CD226: variants seen among roughly 807,000 people sequenced by gnomAD.
CD226 encodes the protein CD226 antigen.
In CD226, 24 loss-of-function variants were observed where a neutral mutation model predicts 34.9. The observed-to-expected ratio is 0.69, with a 90% CI of 0.50 to 0.97. The LOEUF (loss-of-function observed/expected upper bound fraction) is 0.97, where lower values mean the gene tolerates loss of function less well. Among genes scored for constraint, CD226 ranks in the 50% least tolerant of loss-of-function variants. The pLI is 0.00. For missense variants in CD226, 397 were observed against 412.7 expected (o/e 0.96, Z 0.33); for synonymous variants, 148 against 147.4 (o/e 1.00, Z -0.03).
chr18:69,875,392 C>T (rs1983802735), intron 3 of CD226, among the ~76,000 whole-genome samples: 1 of 152,198 alleles, frequency 6.6e-6, no homozygotes, highest in Non-Finnish European at 1.5e-5. Flanking sequence ...TCTGCCTTGG[C>T]CTCCCAAAGT....
chr18:69,856,569 C>G lies in CD226; in HGVS notation c.*7745G>C, dbSNP rs1982615982. On this transcript the variant is annotated 3_prime_UTR_variant, in exon 6 of 6. Transcript: ENST00000582621. ...CCATATTCTGGGCCATAAAATACAC[C>G]TGAAAAATTTAAAAGAATAGAAATT... The G allele has an allele frequency of 6.6e-6, 1 of 151,900 alleles. No homozygotes were observed. Among genetic ancestry groups the G allele is most frequent in the African/African-American group, 2.4e-5 (1 of 41,338 alleles). 9.4% of individuals were successfully genotyped at this position (151,900 alleles called of 1,614,324 possible).
In CD226 at chr18:69,862,448, C is replaced by A. The variant is rs1279718962; in HGVS notation, c.*1866G>T. ...TAGTAGAGTGCTTTCTTGTAAACTG[C>A]CTTTCAAGTTTGTTACACTAATATA... On this transcript the variant is annotated 3_prime_UTR_variant, in exon 6 of 6. Transcript: ENST00000582621. 6.6e-6 allele frequency: 1 copy of A among 152,084 alleles called. No homozygotes were observed. Among genetic ancestry groups the A allele is most frequent in the Non-Finnish European group, 1.5e-5 (1 of 67,986 alleles). 9.4% of individuals were successfully genotyped at this position (152,084 alleles called of 1,614,324 possible).
intron 3 of CD226, among the ~76,000 whole-genome samples, chr18:69,888,395 C>A (rs1435439252): frequency 6.7e-6 from 1 of 149,684 alleles, no homozygotes; most frequent in Non-Finnish European, 1.5e-5. Flanking sequence ...TAGCCATGCA[C>A]TGACTATTTT....
chr18:69,936,292 A>G (rs1182476467), intron 2 of CD226, among the ~76,000 whole-genome samples: 1 of 152,128 alleles, frequency 6.6e-6, no homozygotes, highest in Non-Finnish European at 1.5e-5. Flanking sequence ...TCCCACAGTG[A>G]CATGTGTTCT....
At chr18:69,889,784 A>G (rs1984778756) in intron 3 of CD226, among the ~76,000 whole-genome samples, 1 of 152,118 alleles carries the variant, frequency 6.6e-6, no homozygotes, top group Non-Finnish European at 1.5e-5. Flanking sequence ...CTCCTTGTCA[A>G]TCCTATACCT....
intron 2 of CD226, among the ~76,000 whole-genome samples, chr18:69,904,125 G>C (rs2055221486): frequency 6.6e-6 from 1 of 152,194 alleles, no homozygotes; most frequent in South Asian, 2.1e-4. Context: ...CACAGATAAA[G>C]TGGGAAGAGT....
upstream of CD226, among the ~76,000 whole-genome samples, chr18:69,950,714 CAG>C (rs1190167115): frequency 2.6e-5 from 4 of 152,044 alleles, no homozygotes; most frequent in Admixed American, 2.0e-4. Flanking sequence ...GAGATGGAAA[CAG>C]AAAGATGTAG....
At chr18:69,946,332 T>G (rs2055792107) in intron 2 of CD226, among the ~76,000 whole-genome samples, 1 of 151,772 alleles carries the variant, frequency 6.6e-6, no homozygotes, top group African/African-American at 2.4e-5. Flanking sequence ...AGGAAGAACC[T>G]TGAACACACA....
chr18:69,935,296 T>A (rs540080374), intron 2 of CD226, among the ~76,000 whole-genome samples: 24 of 152,338 alleles, frequency 1.6e-4, no homozygotes, highest in African/African-American at 5.8e-4. Flanking sequence ...CTATAAGGCC[T>A]TTTTGAAGGT....
At chr18:69,886,709 AAAAAAAT>A (rs1294754195) in intron 3 of CD226, among the ~76,000 whole-genome samples, 1 of 152,066 alleles carries the variant, frequency 6.6e-6, no homozygotes, top group African/African-American at 2.4e-5. Flanking sequence ...CTGTCTCAAA[AAAAAAAT>A]AAAAATAAAA....
rs1415402431 is a variant in CD226, at chr18:69,864,500, C to G, written c.886-61G>C. The G allele has an allele frequency of 5.3e-6, 8 of 1,520,188 alleles. No homozygotes were observed. In the African/African-American group the frequency reaches 1.1e-4, roughly 21 times the overall value. The allele number at this position is 1,520,188 out of a possible 1,614,324, so 94.2% of individuals were successfully genotyped here. A position where few individuals can be genotyped will look rare whatever the true frequency, so the allele number is the denominator to read the frequency against. On this transcript the variant is annotated intron_variant, in intron 5 of 5. Coordinates refer to ENST00000582621, the MANE Select transcript of CD226 (RefSeq NM_001303618.2). The stretch of plus-strand genomic sequence containing the variant: ...ACTGCATTTCAACAACTAATGAAGA[C>G]ATTCAAAACATACCTCTCATAAATG...
In CD226 at chr18:69,870,800, T is replaced by A. The variant is rs536660393; in HGVS notation, c.830+2344A>T. 2.6e-5 allele frequency among the ~76,000 whole-genome samples: 4 copies of A among 152,330 alleles called. No homozygotes were observed. The South Asian group carries it at 8.3e-4, about 32-fold the overall frequency. On this transcript the variant is annotated intron_variant, in intron 4 of 5. Coordinates refer to ENST00000582621, the MANE Select transcript of CD226 (RefSeq NM_001303618.2). ...GTTGGCTTCTATCCAAGTCAATACATCTGAAGCTGCAGGATTATTTTAAAC... is the reference window on the plus strand; with the variant it reads ...GTTGGCTTCTATCCAAGTCAATACAACTGAAGCTGCAGGATTATTTTAAAC...
At chr18:69,889,214 T>C (rs973775071) in intron 3 of CD226, among the ~76,000 whole-genome samples, 13 of 151,922 alleles carry the variant, frequency 8.6e-5, no homozygotes, top group African/African-American at 2.9e-4. Context: ...GGTTGATCTG[T>C]TTGAGTAGAG....
intron 4 of CD226, among the ~76,000 whole-genome samples, chr18:69,870,100 C>G (rs17081746): frequency 0.078 from 11,865 of 151,838 alleles, 478 homozygotes; most frequent in Middle Eastern, 0.11. Flanking sequence ...TCGCACCCAG[C>G]CAAGAGATTT....
chr18:69,919,892 T>C (rs1213069), intron 2 of CD226, among the ~76,000 whole-genome samples: 20 of 151,762 alleles, frequency 1.3e-4, no homozygotes, highest in East Asian at 7.7e-4. Context: ...TTTTTTTTTT[T>C]CCAAAGACAA....
chr18:69,956,912 G>C (rs759353052), exon 1 of CD226: 1 of 152,230 alleles, frequency 6.6e-6, no homozygotes, highest in African/African-American at 2.4e-5. Flanking sequence ...CACTGCAGGA[G>C]CTGAGGGGAG....
At chr18:69,959,838 G>C (rs968512781), upstream of CD226, among the ~76,000 whole-genome samples, 1 of 152,068 alleles carries the variant, frequency 6.6e-6, no homozygotes, top group Non-Finnish European at 1.5e-5. Flanking sequence ...GGCATGAGAG[G>C]GACTCCCAAC....
Position 69,911,877 on chromosome 18 carries a change from A to C in CD226, c.383-15832T>G, listed in dbSNP as rs559373743. Among the ~76,000 whole-genome samples the C allele has an allele frequency of 1.7e-4, 26 of 152,326 alleles. No individual in the cohort carries two copies. In the East Asian group the frequency reaches 4.8e-3, roughly 28 times the overall value. ...ATGTGTGTGTGTATTACTAATAAGCATACTGAACTAAGAGTCTTTGCCCAC... is the reference window on the plus strand; with the variant it reads ...ATGTGTGTGTGTATTACTAATAAGCCTACTGAACTAAGAGTCTTTGCCCAC... On this transcript the variant is annotated intron_variant, in intron 2 of 5. Transcript: ENST00000582621.
intron 2 of CD226, among the ~76,000 whole-genome samples, chr18:69,942,754 AG>A (rs1014265637): frequency 6.6e-6 from 1 of 152,114 alleles, no homozygotes; most frequent in Non-Finnish European, 1.5e-5. Flanking sequence ...CTCAGAGCCC[AG>A]GGTGAGAACC....
Sources: allele counts gnomAD v4.1 joint callset (sites outside exome capture counted in the v4.1 genomes callset), GRCh38; gene constraint gnomAD v4.1.1; transcripts MANE v1.5; gene names NCBI Gene and HGNC (gene_info 2026-07-23, HGNC 2026-07-21).